The following TECTB variants were observed in gnomAD, a reference collection of about 807,000 sequenced individuals.
TECTB encodes the protein beta-tectorin.
Under a neutral mutation model 43.3 loss-of-function variants are expected in TECTB, and 45 were observed. The observed-to-expected ratio is 1.04, with a 90% CI of 0.82 to 1.33. TECTB has a LOEUF of 1.33. Among genes scored for constraint, TECTB ranks in the 40% most tolerant of loss-of-function variants. The pLI, the probability that TECTB is intolerant of heterozygous loss-of-function variation, is 0.00. For missense variants in TECTB, 399 were observed against 404.7 expected (o/e 0.99, Z 0.12); for synonymous variants, 169 against 156.7 (o/e 1.08, Z -0.59).
rs555901798 is a variant in TECTB, at chr10:112,294,139, G to A, written c.671+78G>A. The A allele has an allele frequency of 1.5e-5, 21 of 1,371,100 alleles. No individual in the cohort carries two copies. The South Asian group carries it at 2.5e-4, about 16-fold the overall frequency. The allele number at this position is 1,371,100 out of a possible 1,614,324, so 84.9% of individuals were successfully genotyped here. A position where few individuals can be genotyped will look rare whatever the true frequency, so the allele number is the denominator to read the frequency against. On this transcript the variant is annotated intron_variant, in intron 7 of 10. Transcript: ENST00000646139. ...GGCTACTTTGCTCTGGCTTGGGAAAGCTTGGGAGGAAGAGGTGAAGCCTGC... is the reference window on the plus strand; with the variant it reads ...GGCTACTTTGCTCTGGCTTGGGAAAACTTGGGAGGAAGAGGTGAAGCCTGC...
At chr10:112,296,212 A>G (rs1448088093) in intron 7 of TECTB, among the ~76,000 whole-genome samples, 1 of 152,058 alleles carries the variant, frequency 6.6e-6, no homozygotes, top group Admixed American at 6.5e-5. Context: ...ATGGCAGGAG[A>G]TATATCATAA....
chr10:112,297,446 A>G (rs1848558440), intron 7 of TECTB, among the ~76,000 whole-genome samples: 1 of 152,148 alleles, frequency 6.6e-6, no homozygotes, highest in African/African-American at 2.4e-5. Flanking sequence ...TACAAAGAAG[A>G]AAACCAAAAA....
chr10:112,298,118 AG>A lies in TECTB; in HGVS notation c.724del (p.Ala242GlnfsTer37), dbSNP rs1451914740. 1.2e-6 allele frequency: 2 copies of A among 1,614,232 alleles called. No individual in the cohort carries two copies. The highest frequency in any genetic ancestry group is 1.6e-4 in the Middle Eastern group (1 of 6,062). ...CGTGCATGAGAATGGGAGAGATCACAGGGCAACCTTCCAATTCAATGCTTTC... is the reference window on the plus strand; with the variant it reads ...CGTGCATGAGAATGGGAGAGATCACAGGCAACCTTCCAATTCAATGCTTTC... Reference protein sequence around the residue: ...VLVHENGRDHRATFQFNAFRF... With the variant: ...VLVHENGRDHXATFQFNAFRF... On this transcript the variant is annotated frameshift_variant, in exon 8 of 11. Transcript: ENST00000646139. LOFTEE classifies it high-confidence loss of function.
In TECTB at chr10:112,302,752, T is replaced by C. The variant is rs543746825; in HGVS notation, c.941-511T>C. 21 of 176,290 alleles carry C rather than the reference T, an allele frequency of 1.2e-4. No individual in the cohort carries two copies. The South Asian group carries it at 3.5e-3, about 29-fold the overall frequency. The allele number at this position is 176,290 out of a possible 1,614,324, so 10.9% of individuals were successfully genotyped here. On this transcript the variant is annotated intron_variant, in intron 10 of 10. Transcript: ENST00000646139. ...CAGACAAGGCCCCTTCCCTTGCCAA[T>C]ATGTGTAGAGTATTTGGGGTTCAAT... is the stretch of plus-strand genomic sequence containing the variant.
chr10:112,284,370 C>T (rs1223527651), intron 2 of TECTB, among the ~76,000 whole-genome samples, 165 bp from the exon 3 acceptor site: 1 of 152,122 alleles, frequency 6.6e-6, no homozygotes, highest in Non-Finnish European at 1.5e-5. Context: ...TCTTCAATGA[C>T]TGAAGTTTGG....
chr10:112,287,636 G>A (rs1335800135), intron 5 of TECTB, among the ~76,000 whole-genome samples: 1 of 152,158 alleles, frequency 6.6e-6, no homozygotes, highest in Non-Finnish European at 1.5e-5. Flanking sequence ...GGCGAGAGCT[G>A]TAAGGGATCC....
At chr10:112,300,319 G>GAAAGAGAA (rs1554854245) in intron 9 of TECTB, among the ~76,000 whole-genome samples, 4 of 107,752 alleles carry the variant, frequency 3.7e-5, no homozygotes, top group Non-Finnish European at 7.8e-5. Flanking sequence ...AAGAAAGAAA[G>GAAAGAGAA]AGAAAGAAAA....
At chr10:112,285,899 C>A (rs975945192) in intron 3 of TECTB, among the ~76,000 whole-genome samples, 172 bp from the exon 4 acceptor site, 1 of 152,178 alleles carries the variant, frequency 6.6e-6, no homozygotes, top group Non-Finnish European at 1.5e-5. Flanking sequence ...GAACCCTTTA[C>A]AAAATTATCA....
At chr10:112,297,853 T>C (rs1454170956) in intron 7 of TECTB, among the ~76,000 whole-genome samples, 5 of 152,224 alleles carry the variant, frequency 3.3e-5, no homozygotes, top group Admixed American at 2.0e-4. Flanking sequence ...CCTCCCATCG[T>C]ACCTTGTCTA....
At chr10:112,287,468 G>T (rs1319570091) in intron 5 of TECTB, among the ~76,000 whole-genome samples, 2 of 152,200 alleles carry the variant, frequency 1.3e-5, no homozygotes, top group Non-Finnish European at 2.9e-5. Context: ...CCTTTGCATA[G>T]AACATTAGAG....
Position 112,291,309 on chromosome 10 carries a change from C to T in TECTB, c.484-2429C>T, listed in dbSNP as rs369251183. 9.6e-4 allele frequency among the ~76,000 whole-genome samples: 146 copies of T among 152,182 alleles called. 1 individual carries two copies. The highest frequency in any genetic ancestry group is 3.3e-3 in the South Asian group (16 of 4,814). On this transcript the variant is annotated intron_variant, in intron 5 of 10. Coordinates refer to ENST00000646139, the MANE Select transcript of TECTB (RefSeq NM_058222.3). ...TTCCAACTCCATCCATCTTTGCAAA[C>T]GACCAGAAAGACCATTTGACCCAGC...
chr10:112,286,639 G>T (rs924241959), intron 5 of TECTB, among the ~76,000 whole-genome samples: 3 of 152,176 alleles, frequency 2.0e-5, no homozygotes, highest in Non-Finnish European at 4.4e-5. Flanking sequence ...CAACCTTCTG[G>T]CCAGGCGTGG....
chr10:112,298,659 T>A (rs1421984982), intron 8 of TECTB, among the ~76,000 whole-genome samples: 1 of 152,212 alleles, frequency 6.6e-6, no homozygotes, highest in Non-Finnish European at 1.5e-5. Flanking sequence ...TTTTTAGTCT[T>A]GACTGAACAG....
intron 7 of TECTB, among the ~76,000 whole-genome samples, chr10:112,296,831 CGT>C (rs1326635822): frequency 6.6e-6 from 1 of 152,118 alleles, no homozygotes; most frequent in Non-Finnish European, 1.5e-5. Context: ...CGCTCTCTGG[CGT>C]GTGTGCCGAG....
rs751787815 is a variant in TECTB at position 112,298,097 on chromosome 10, C to T, written c.700C>T (p.His234Tyr). The T allele has an allele frequency of 1.4e-5, 23 of 1,614,112 alleles. No individual in the cohort carries two copies. The Admixed American group carries it at 3.7e-4, about 26-fold the overall frequency. The change falls in exon 8 of 11, where the codon CAT becomes TAT. Residue 234 changes from histidine (H) to tyrosine (Y), a missense_variant. His to Tyr is a moderately conservative substitution (Grantham distance 83). Coordinates refer to ENST00000646139, the MANE Select transcript of TECTB (RefSeq NM_058222.3). ...GCPTDETVLV[H>Y]ENGRDHRATF... ...CCCCACGGATGAAACCGTCCTCGTG[C>T]ATGAGAATGGGAGAGATCACAGGGC...
At position 112,294,076 on chromosome 10, in the gene TECTB, T is replaced by C. The variant is rs367807280; in HGVS notation, c.671+15T>C. On this transcript the variant is annotated intron_variant, in intron 7 of 10. Coordinates refer to ENST00000646139, the MANE Select transcript of TECTB (RefSeq NM_058222.3). ...ATCAACAAGGGGTAGGTACACTATC[T>C]AGAGACAGGGCTGAACAGTGGAACC... 5.6e-6 allele frequency: 9 copies of C among 1,611,182 alleles called. No homozygotes were observed. The highest frequency in any genetic ancestry group is 6.8e-6 in the Non-Finnish European group (8 of 1,177,474).
chr10:112,302,199 A>G (rs1848617879), intron 10 of TECTB, 66 bp downstream of exon 10: 22 of 1,585,208 alleles, frequency 1.4e-5, no homozygotes, highest in Non-Finnish European at 1.7e-6. Flanking sequence ...GAGTGTTTTA[A>G]GAGAAGCTTA....
At chr10:112,293,609 C>T (rs1283263318) in intron 5 of TECTB, 129 bp from the exon 6 acceptor site, 1 of 750,560 alleles carries the variant, frequency 1.3e-6, no homozygotes, top group African/African-American at 1.8e-5. Flanking sequence ...GAGGATCACT[C>T]TATGGTCTCA....
intron 9 of TECTB, among the ~76,000 whole-genome samples, chr10:112,300,274 GA>G (rs1232473596): frequency 1.4e-4 from 4 of 28,598 alleles, no homozygotes; most frequent in African/African-American, 8.8e-4. Flanking sequence ...AAGAAAGAAA[GA>G]AAGAAAAGAA....
Sources: allele counts gnomAD v4.1 joint callset (sites outside exome capture counted in the v4.1 genomes callset), GRCh38; gene constraint gnomAD v4.1.1; transcripts MANE v1.5; gene names NCBI Gene and HGNC (gene_info 2026-07-23, HGNC 2026-07-21).